MEGF10: variants seen among roughly 807,000 people sequenced by gnomAD.
MEGF10 encodes the protein multiple EGF like domains 10, also known as multiple epidermal growth factor-like domains protein 10.
MEGF10 carries 86 observed loss-of-function variants against 147.5 expected under a neutral mutation model. The ratio of observed to expected loss-of-function variants is 0.58; its 90% CI spans 0.49 to 0.70. The LOEUF (loss-of-function observed/expected upper bound fraction) is 0.70. Among genes scored for constraint, MEGF10 ranks in the 30% least tolerant of loss-of-function variants. The pLI is 0.00. For missense variants in MEGF10, 1,329 were observed against 1,487.3 expected, an observed-to-expected ratio of 0.89 and a Z score of 1.75; for synonymous variants, 478 against 525.5, an observed-to-expected ratio of 0.91 and a Z score of 1.24.
intron 19 of MEGF10, chr5:127,445,151 C>G: frequency 3.2e-6 from 1 of 312,912 alleles, no homozygotes; most frequent in Non-Finnish European, 5.9e-6. Flanking sequence ...AGGCTGGTCT[C>G]TAACTGCTAG....
chr5:127,331,866 C>A (rs1761274848), intron 2 of MEGF10, among the ~76,000 whole-genome samples: 1 of 151,618 alleles, frequency 6.6e-6, no homozygotes, highest in South Asian at 2.1e-4. Context: ...AAACGGAGAC[C>A]TAAATTTGGT....
At chr5:127,307,453 A>G (rs1030636225) in intron 1 of MEGF10, among the ~76,000 whole-genome samples, 1 of 152,196 alleles carries the variant, frequency 6.6e-6, no homozygotes, top group Non-Finnish European at 1.5e-5. Flanking sequence ...GGAGCTGCAC[A>G]CCGAATGGAA....
At chr5:127,247,233 AACTC>A in the MEGF10 span, among the ~76,000 whole-genome samples, 1 of 146,292 alleles carries the variant, frequency 6.8e-6, no homozygotes, top group Non-Finnish European at 1.5e-5. Context: ...GAGAAAAAAA[AACTC>A]ACAGAAAGTA....
intron 1 of MEGF10, among the ~76,000 whole-genome samples, chr5:127,292,079 C>T (rs1759283010): frequency 1.3e-5 from 2 of 152,266 alleles, no homozygotes; most frequent in South Asian, 4.1e-4. Flanking sequence ...TCCTTATGGA[C>T]AGAAATACTG....
chr5:127,347,398 A>T (rs1761929984), intron 4 of MEGF10, among the ~76,000 whole-genome samples: 1 of 152,056 alleles, frequency 6.6e-6, no homozygotes, highest in Admixed American at 6.6e-5. Flanking sequence ...TCATTAACAC[A>T]TATCAGTTTT....
chr5:127,306,874 G>GT (rs1561559995), intron 1 of MEGF10, among the ~76,000 whole-genome samples: 1 of 152,170 alleles, frequency 6.6e-6, no homozygotes, highest in Non-Finnish European at 1.5e-5. Context: ...AATCAGCCGA[G>GT]TTTGAGATTC....
intron 4 of MEGF10, among the ~76,000 whole-genome samples, chr5:127,362,984 G>A (rs890516317): frequency 1.3e-5 from 2 of 152,080 alleles, no homozygotes; most frequent in African/African-American, 4.8e-5. Flanking sequence ...ACATTTAACT[G>A]TTCTCACATT....
intron 13 of MEGF10, chr5:127,424,193 G>A: frequency 1.7e-6 from 1 of 588,636 alleles, no homozygotes; most frequent in Non-Finnish European, 3.0e-6. Context: ...AATGTGAGAG[G>A]ATTTATTTCT....
chr5:127,452,250 A>C (rs1365269351), intron 22 of MEGF10, among the ~76,000 whole-genome samples: 1 of 152,138 alleles, frequency 6.6e-6, no homozygotes, highest in African/African-American at 2.4e-5. Flanking sequence ...TCTCTCTTTC[A>C]CACCTTGGTG....
At chr5:127,251,817 G>A in the MEGF10 span, among the ~76,000 whole-genome samples, 3 of 151,788 alleles carry the variant, frequency 2.0e-5, no homozygotes, top group Non-Finnish European at 4.4e-5. Context: ...AATTTAAAAG[G>A]AAACTTCTGC....
At chr5:127,452,212 CCTAA>C (rs1766178465) in intron 22 of MEGF10, among the ~76,000 whole-genome samples, 1 of 152,182 alleles carries the variant, frequency 6.6e-6, no homozygotes, top group African/African-American at 2.4e-5. Flanking sequence ...GCTCTTATTC[CCTAA>C]CTTACTATCT....
Position 127,407,210 on chromosome 5 carries a change from C to T in MEGF10, c.918-3179C>T, listed in dbSNP as rs568605937. Among the ~76,000 whole-genome samples the T allele has an allele frequency of 2.4e-3, 361 of 152,204 alleles. 3 individuals carry two copies. The highest frequency in any genetic ancestry group is 0.01 in the Middle Eastern group (3 of 294). ...TACATTTCCCCCAGAGCAGCAGTTC[C>T]GGATGTTAGAAAGGTAGGCAGCTGA... On this transcript the variant is annotated intron_variant, in intron 8 of 24. Coordinates refer to ENST00000503335, the MANE Select transcript of MEGF10 (RefSeq NM_001256545.2).
At chr5:127,249,909 A>G in the MEGF10 span, among the ~76,000 whole-genome samples, 2 of 152,098 alleles carry the variant, frequency 1.3e-5, no homozygotes, top group African/African-American at 4.8e-5. Context: ...TGTTGTTCAC[A>G]TGGCAGAAGA....
chr5:127,346,300 T>C (rs992644553), intron 4 of MEGF10, among the ~76,000 whole-genome samples: 1 of 152,206 alleles, frequency 6.6e-6, no homozygotes, highest in African/African-American at 2.4e-5. Flanking sequence ...TCCATAGTGG[T>C]TGTACTAGTT....
intron 4 of MEGF10, among the ~76,000 whole-genome samples, chr5:127,342,146 C>T (rs1580736668): frequency 6.6e-6 from 1 of 152,080 alleles, no homozygotes; most frequent in South Asian, 2.1e-4. Flanking sequence ...TATAATCAAA[C>T]ATCTTAGAGA....
the MEGF10 span, among the ~76,000 whole-genome samples, chr5:127,235,335 C>T: frequency 4.6e-5 from 7 of 152,224 alleles, no homozygotes; most frequent in Admixed American, 2.0e-4. Context: ...CACATGCCCA[C>T]GCCAGAAACC....
chr5:127,250,651 C>T, the MEGF10 span, among the ~76,000 whole-genome samples: 1 of 151,760 alleles, frequency 6.6e-6, no homozygotes, highest in African/African-American at 2.4e-5. Flanking sequence ...AATAGAGGTC[C>T]TAACTCTAAC....
intron 4 of MEGF10, among the ~76,000 whole-genome samples, chr5:127,353,797 T>A (rs26946): frequency 0.39 from 58,945 of 152,066 alleles, 12,673 homozygotes; most frequent in Non-Finnish European, 0.49. Context: ...AAGTTCAAGT[T>A]CTAATGGGGG....
At chr5:127,447,750 T>G (rs1284182240) in intron 21 of MEGF10, 66 bp downstream of exon 21, 1 of 1,595,264 alleles carries the variant, frequency 6.3e-7, no homozygotes, top group Non-Finnish European at 8.6e-7. Flanking sequence ...CAGCATTTAT[T>G]GAGGGCCGCT....
Sources: gnomAD v4.1 joint callset for allele counts (sites outside exome capture counted in the v4.1 genomes callset) on GRCh38, gnomAD v4.1.1 for gene constraint, MANE v1.5 for transcripts, NCBI Gene and HGNC (gene_info 2026-07-23, HGNC 2026-07-21) for gene names.